The following NLRP2B variants were observed in gnomAD, a reference collection of about 807,000 sequenced individuals.
NLRP2B encodes the protein NLR family pyrin domain-containing protein 2B.
For synonymous variants in NLRP2B, 16 were observed against 3.5 expected, an observed-to-expected ratio of 4.63 and a Z score of -4.03; for missense variants, 25 against 6.8, an observed-to-expected ratio of 3.70 and a Z score of -3.00.
At position 57,678,516 on chromosome X, in the gene NLRP2B, C is replaced by T; in HGVS notation, c.*1607G>A. 3.9e-6 allele frequency: 2 copies of T among 508,512 alleles called. No individual in the cohort carries two copies. Among genetic ancestry groups the T allele is most frequent in the South Asian group, 5.1e-5 (2 of 39,571 alleles). The allele number at this position is 508,512 out of a possible 1,213,427, so 41.9% of individuals were successfully genotyped here. On this transcript the variant is annotated 3_prime_UTR_variant, in exon 1 of 1. Transcript: ENST00000434992. ...AATTTATCTCTCATCACAGTAATTC[C>T]TTTTTGATCTCCGGTGACATCAGGC...
In NLRP2B at chrX:57,677,591, T is replaced by A. The variant is rs753499696; in HGVS notation, c.*2532A>T. 5 of 302,244 alleles carry A rather than the reference T, an allele frequency of 1.7e-5. No homozygotes were observed. The East Asian group carries it at 3.9e-4, about 23-fold the overall frequency. 24.9% of individuals were successfully genotyped at this position (302,244 alleles called of 1,213,427 possible). A position where few individuals can be genotyped will look rare whatever the true frequency, so the allele number is the denominator to read the frequency against. Reference sequence around the variant, plus strand: ...TTACAATGGGGGTAACTCAAACCCTTACACAGAAACATCACCCATGTATCC... The same window carrying A: ...TTACAATGGGGGTAACTCAAACCCTAACACAGAAACATCACCCATGTATCC... On this transcript the variant is annotated 3_prime_UTR_variant, in exon 1 of 1. Transcript: ENST00000434992.
chrX:57,679,410 G>C lies in NLRP2B; in HGVS notation c.*713C>G. 1 of 917,268 alleles carries C rather than the reference G, an allele frequency of 1.1e-6. No homozygotes were observed. Among genetic ancestry groups the C allele is most frequent in the Non-Finnish European group, 1.6e-6 (1 of 631,589 alleles). 75.6% of individuals were successfully genotyped at this position (917,268 alleles called of 1,213,427 possible). A position where few individuals can be genotyped will look rare whatever the true frequency, so the allele number is the denominator to read the frequency against. ...CCAGCTCATCAAAGCCGTCGACCACGAACAGGATTTTCTGTGCTTGGGCTA... is the reference window on the plus strand; with the variant it reads ...CCAGCTCATCAAAGCCGTCGACCACCAACAGGATTTTCTGTGCTTGGGCTA... On this transcript the variant is annotated 3_prime_UTR_variant, in exon 1 of 1. Coordinates refer to ENST00000434992, the MANE Select transcript of NLRP2B (RefSeq NM_001319967.1).
Position 57,678,219 on chromosome X carries a change from A to G in NLRP2B, c.*1904T>C. 1.9e-6 allele frequency: 1 copy of G among 534,026 alleles called. No individual in the cohort carries two copies. The highest frequency in any genetic ancestry group is 3.4e-6 in the Non-Finnish European group (1 of 291,563). The allele number at this position is 534,026 out of a possible 1,213,427, so 44.0% of individuals were successfully genotyped here. On this transcript the variant is annotated 3_prime_UTR_variant, in exon 1 of 1. Coordinates refer to ENST00000434992, the MANE Select transcript of NLRP2B (RefSeq NM_001319967.1). ...CGGTCCAGAAAGGAAGCATGTGTTG[A>G]TCATCCTGGGATCTCTCAACTTCAG...
chrX:57,677,330 C>A lies in NLRP2B; in HGVS notation c.*2793G>T. Reference sequence around the variant, plus strand: ...ACGAGGCTGTGGTTGCAGCTGAGCACAGAGCAGAGGTCCTCACAACTGAAC... The same window carrying A: ...ACGAGGCTGTGGTTGCAGCTGAGCAAAGAGCAGAGGTCCTCACAACTGAAC... On this transcript the variant is annotated 3_prime_UTR_variant, in exon 1 of 1. Coordinates refer to ENST00000434992, the MANE Select transcript of NLRP2B (RefSeq NM_001319967.1). 7.9e-6 allele frequency: 3 copies of A among 381,030 alleles called. No homozygotes were observed. The highest frequency in any genetic ancestry group is 7.3e-5 in the South Asian group (3 of 41,121). The allele number at this position is 381,030 out of a possible 1,213,427, so 31.4% of individuals were successfully genotyped here. A position where few individuals can be genotyped will look rare whatever the true frequency, so the allele number is the denominator to read the frequency against.
Position 57,677,210 on chromosome X carries a change from T to G in NLRP2B, c.*2913A>C, listed in dbSNP as rs1323532459. 1 of 376,589 alleles carries G rather than the reference T, an allele frequency of 2.7e-6. No individual in the cohort carries two copies. The highest frequency in any genetic ancestry group is 5.2e-6 in the Non-Finnish European group (1 of 191,351). 31.0% of individuals were successfully genotyped at this position (376,589 alleles called of 1,213,427 possible). A position where few individuals can be genotyped will look rare whatever the true frequency, so the allele number is the denominator to read the frequency against. On this transcript the variant is annotated 3_prime_UTR_variant, in exon 1 of 1. Coordinates refer to ENST00000434992, the MANE Select transcript of NLRP2B (RefSeq NM_001319967.1). ...ACATTAAAGTCATCTATTTTCAACC[T>G]GAGTGTCTGGAGGGTGCAATTTGGA...
In NLRP2B at chrX:57,678,387, G is replaced by A. The variant is rs1057232430; in HGVS notation, c.*1736C>T. 8 of 522,043 alleles carry A rather than the reference G, an allele frequency of 1.5e-5. No homozygotes were observed. In the African/African-American group the frequency reaches 1.8e-4, roughly 12 times the overall value. The allele number at this position is 522,043 out of a possible 1,213,427, so 43.0% of individuals were successfully genotyped here. A position where few individuals can be genotyped will look rare whatever the true frequency, so the allele number is the denominator to read the frequency against. On this transcript the variant is annotated 3_prime_UTR_variant, in exon 1 of 1. Coordinates refer to ENST00000434992, the MANE Select transcript of NLRP2B (RefSeq NM_001319967.1). ...CATTTAAGTGCAGGGATATTTCTTT[G>A]AACGGAGCCATCACTCCCTTCACCA...
Position 57,678,651 on chromosome X carries a change from C to G in NLRP2B, c.*1472G>C. 3 of 431,914 alleles carry G rather than the reference C, an allele frequency of 6.9e-6. No homozygotes were observed. Among genetic ancestry groups the G allele is most frequent in the Admixed American group, 3.2e-5 (1 of 31,687 alleles). The allele number at this position is 431,914 out of a possible 1,213,427, so 35.6% of individuals were successfully genotyped here. A position where few individuals can be genotyped will look rare whatever the true frequency, so the allele number is the denominator to read the frequency against. ...TCTTGAGTCTTTCTTCTCTAGAAAA[C>G]AGCTTCTGCACGTCTCCATTGTCCC... On this transcript the variant is annotated 3_prime_UTR_variant, in exon 1 of 1. Transcript: ENST00000434992.
In NLRP2B at chrX:57,680,016, G is replaced by A. The variant is rs942827212; in HGVS notation, c.*107C>T. The A allele has an allele frequency of 1.1e-4, 38 of 349,839 alleles. No homozygotes were observed. Among genetic ancestry groups the A allele is most frequent in the Middle Eastern group, 4.0e-4 (1 of 2,482 alleles). The allele number at this position is 349,839 out of a possible 1,213,427, so 28.8% of individuals were successfully genotyped here. On this transcript the variant is annotated 3_prime_UTR_variant, in exon 1 of 1. Coordinates refer to ENST00000434992, the MANE Select transcript of NLRP2B (RefSeq NM_001319967.1). Reference sequence around the variant, plus strand: ...ATCCTTTACTTTCTCAGACAGATCCGCTCGGTGCATCTTTTCAAAGACCTG... The same window carrying A: ...ATCCTTTACTTTCTCAGACAGATCCACTCGGTGCATCTTTTCAAAGACCTG...
chrX:57,677,730 C>T lies in NLRP2B; in HGVS notation c.*2393G>A. On this transcript the variant is annotated 3_prime_UTR_variant, in exon 1 of 1. Transcript: ENST00000434992. ...TAAAGTGACAGTTTTCCAACAACAACCTCGGCAGGAAGCATTTTGGGTGTC... is the reference window on the plus strand; with the variant it reads ...TAAAGTGACAGTTTTCCAACAACAATCTCGGCAGGAAGCATTTTGGGTGTC... The T allele has an allele frequency of 2.5e-6, 1 of 393,541 alleles. No individual in the cohort carries two copies. The highest frequency in any genetic ancestry group is 2.8e-5 in the South Asian group (1 of 36,217). The allele number at this position is 393,541 out of a possible 1,213,427, so 32.4% of individuals were successfully genotyped here.
rs762034357 is a variant in NLRP2B at position 57,678,410 on chromosome X, C to T, written c.*1713G>A. The T allele has an allele frequency of 1.9e-6, 1 of 522,056 alleles. No individual in the cohort carries two copies. Among genetic ancestry groups the T allele is most frequent in the Admixed American group, 2.6e-5 (1 of 38,151 alleles). 43.0% of individuals were successfully genotyped at this position (522,056 alleles called of 1,213,427 possible). On this transcript the variant is annotated 3_prime_UTR_variant, in exon 1 of 1. Transcript: ENST00000434992. The stretch of plus-strand genomic sequence containing the variant: ...TTGAACGGAGCCATCACTCCCTTCA[C>T]CAGCTCCTCCTCCTGAGACTCGTAC...
chrX:57,678,828 CG>C lies in NLRP2B; in HGVS notation c.*1294del. The C allele has an allele frequency of 2.7e-6, 1 of 368,028 alleles. No homozygotes were observed. The allele number at this position is 368,028 out of a possible 1,213,427, so 30.3% of individuals were successfully genotyped here. ...GGCGGAGGATGTCTCTGTCCAGGGA[CG>C]GGCGGATGTTGAACTCCTGCACCCC... On this transcript the variant is annotated 3_prime_UTR_variant, in exon 1 of 1. Coordinates refer to ENST00000434992, the MANE Select transcript of NLRP2B (RefSeq NM_001319967.1).
Position 57,678,803 on chromosome X carries a change from G to T in NLRP2B, c.*1320C>A, listed in dbSNP as rs2011737184. 3 of 382,500 alleles carry T rather than the reference G, an allele frequency of 7.8e-6. No homozygotes were observed. In the East Asian group the frequency reaches 1.8e-4, roughly 22 times the overall value. 31.5% of individuals were successfully genotyped at this position (382,500 alleles called of 1,213,427 possible). A position where few individuals can be genotyped will look rare whatever the true frequency, so the allele number is the denominator to read the frequency against. On this transcript the variant is annotated 3_prime_UTR_variant, in exon 1 of 1. Coordinates refer to ENST00000434992, the MANE Select transcript of NLRP2B (RefSeq NM_001319967.1). Reference sequence around the variant, plus strand: ...TAGCAGCCTTTAGAGACTATGTCCTGGCGGAGGATGTCTCTGTCCAGGGAC... The same window carrying T: ...TAGCAGCCTTTAGAGACTATGTCCTTGCGGAGGATGTCTCTGTCCAGGGAC...
Position 57,677,076 on chromosome X carries a change from G to C in NLRP2B, c.*3047C>G, listed in dbSNP as rs1190431276. ...ACTCTGGGGGGATTCAGATAATGAAGTAATGAAAAGAAAGCCTTTTTTCCC... is the reference window on the plus strand; with the variant it reads ...ACTCTGGGGGGATTCAGATAATGAACTAATGAAAAGAAAGCCTTTTTTCCC... On this transcript the variant is annotated 3_prime_UTR_variant, in exon 1 of 1. Transcript: ENST00000434992. 4.0e-6 allele frequency: 1 copy of C among 250,641 alleles called. No individual in the cohort carries two copies. The highest frequency in any genetic ancestry group is 2.9e-5 in the African/African-American group (1 of 33,962). 20.7% of individuals were successfully genotyped at this position (250,641 alleles called of 1,213,427 possible).
rs1193387465 is a variant in NLRP2B at position 57,679,291 on chromosome X, T to G, written c.*832A>C. On this transcript the variant is annotated 3_prime_UTR_variant, in exon 1 of 1. Transcript: ENST00000434992. ...CAGCACGGCGGCCCTGGGTAAAATC[T>G]TCCTCTTCAGTAACCTCCCCAAGAA... 2.0e-6 allele frequency: 1 copy of G among 491,478 alleles called. No individual in the cohort carries two copies. The highest frequency in any genetic ancestry group is 2.4e-5 in the African/African-American group (1 of 42,440). 40.5% of individuals were successfully genotyped at this position (491,478 alleles called of 1,213,427 possible).
rs917007297 is a variant in NLRP2B at position 57,678,534 on chromosome X, C to T, written c.*1589G>A. On this transcript the variant is annotated 3_prime_UTR_variant, in exon 1 of 1. Coordinates refer to ENST00000434992, the MANE Select transcript of NLRP2B (RefSeq NM_001319967.1). Reference sequence around the variant, plus strand: ...GTAATTCCTTTTTGATCTCCGGTGACATCAGGCAGCCCAAAGTGGTCTCCA... The same window carrying T: ...GTAATTCCTTTTTGATCTCCGGTGATATCAGGCAGCCCAAAGTGGTCTCCA... 2.0e-6 allele frequency: 1 copy of T among 507,826 alleles called. No individual in the cohort carries two copies. The highest frequency in any genetic ancestry group is 2.3e-5 in the African/African-American group (1 of 43,470). The allele number at this position is 507,826 out of a possible 1,213,427, so 41.9% of individuals were successfully genotyped here. A position where few individuals can be genotyped will look rare whatever the true frequency, so the allele number is the denominator to read the frequency against.
chrX:57,678,878 G>A lies in NLRP2B; in HGVS notation c.*1245C>T, dbSNP rs190812484. ...CCGAGCCTCGCCAAGTCCTCTCCAC[G>A]GAACACTGACATCTGCGCCCACAGG... is the stretch of plus-strand genomic sequence containing the variant. On this transcript the variant is annotated 3_prime_UTR_variant, in exon 1 of 1. Coordinates refer to ENST00000434992, the MANE Select transcript of NLRP2B (RefSeq NM_001319967.1). The A allele has an allele frequency of 4.6e-4, 174 of 375,529 alleles. No individual in the cohort carries two copies. The highest frequency in any genetic ancestry group is 3.8e-3 in the African/African-American group (146 of 38,436). The allele number at this position is 375,529 out of a possible 1,213,427, so 30.9% of individuals were successfully genotyped here.
In NLRP2B at chrX:57,677,621, G is replaced by GA. The variant is rs745309684; in HGVS notation, c.*2501_*2502insT. 97 of 307,237 alleles carry GA rather than the reference G, an allele frequency of 3.2e-4. No individual in the cohort carries two copies. The highest frequency in any genetic ancestry group is 4.8e-4 in the Non-Finnish European group (78 of 162,563). The allele number at this position is 307,237 out of a possible 1,213,427, so 25.3% of individuals were successfully genotyped here. On this transcript the variant is annotated 3_prime_UTR_variant, in exon 1 of 1. Transcript: ENST00000434992. ...AGAAACATCACCCATGTATCCCCGA[G>GA]TGGGGGGTTCTTGGCCAAGCACAGG... is the stretch of plus-strand genomic sequence containing the variant.
rs1461766081 is a variant in NLRP2B at position 57,677,435 on chromosome X, C to G, written c.*2688G>C. The stretch of plus-strand genomic sequence containing the variant: ...TTCAAAGCCTCACATAGGAGCTTCA[C>G]TCCAGTAACTCCTATGTGATTCAGT... On this transcript the variant is annotated 3_prime_UTR_variant, in exon 1 of 1. Coordinates refer to ENST00000434992, the MANE Select transcript of NLRP2B (RefSeq NM_001319967.1). 7 of 342,030 alleles carry G rather than the reference C, an allele frequency of 2.0e-5. No homozygotes were observed. Among genetic ancestry groups the G allele is most frequent in the South Asian group, 2.0e-4 (7 of 34,369 alleles). 28.2% of individuals were successfully genotyped at this position (342,030 alleles called of 1,213,427 possible). A position where few individuals can be genotyped will look rare whatever the true frequency, so the allele number is the denominator to read the frequency against.
chrX:57,678,035 C>T lies in NLRP2B; in HGVS notation c.*2088G>A. The T allele has an allele frequency of 2.1e-6, 1 of 471,858 alleles. No homozygotes were observed. Among genetic ancestry groups the T allele is most frequent in the South Asian group, 3.0e-5 (1 of 32,877 alleles). The allele number at this position is 471,858 out of a possible 1,213,427, so 38.9% of individuals were successfully genotyped here. A position where few individuals can be genotyped will look rare whatever the true frequency, so the allele number is the denominator to read the frequency against. On this transcript the variant is annotated 3_prime_UTR_variant, in exon 1 of 1. Transcript: ENST00000434992. The stretch of plus-strand genomic sequence containing the variant: ...AGAGCTAGGCAGAGGTTCCGATAAG[C>T]ATCAGCTGGTGAAATGTTTTTGAAC...
Sources: allele counts gnomAD v4.1 joint callset, GRCh38; gene constraint gnomAD v4.1.1; transcripts MANE v1.5; gene names NCBI Gene and HGNC (gene_info 2026-07-23, HGNC 2026-07-21).